The following NAALADL2 variants were observed in gnomAD, a reference collection of about 807,000 sequenced individuals.
The protein encoded by NAALADL2 is inactive N-acetylated-alpha-linked acidic dipeptidase-like protein 2.
Under a neutral mutation model 87.2 loss-of-function variants are expected in NAALADL2, and 76 were observed. That is an observed-to-expected ratio of 0.87 (90% CI 0.72 to 1.05). NAALADL2 has a LOEUF of 1.05. NAALADL2 is among the 50% of genes least tolerant of loss of function. NAALADL2 has a pLI of 0.00. For missense variants in NAALADL2, 1,089 were observed against 945.8 expected, an observed-to-expected ratio of 1.15 and a Z score of -1.99; for synonymous variants, 354 against 331.0, an observed-to-expected ratio of 1.07 and a Z score of -0.75.
In NAALADL2 at chr3:174,527,769, T is replaced by C. The variant is rs1034420621; in HGVS notation, c.-183-22800T>C. Among the ~76,000 whole-genome samples, 28 of 152,202 alleles carry C rather than the reference T, an allele frequency of 1.8e-4. 1 individual carries two copies. Among genetic ancestry groups the C allele is most frequent in the African/African-American group, 6.8e-4 (28 of 41,454 alleles). ...CATCCATCACATTTGCTTGAAATTA[T>C]ATTCAAACATAAGTGTTTCTTATGT... On this transcript the variant is annotated intron_variant, in intron 1 of 3. Transcript: ENST00000434257.
chr3:174,864,541 ATCT>A (rs1457895365), intron 1 of NAALADL2, among the ~76,000 whole-genome samples: 2 of 152,080 alleles, frequency 1.3e-5, no homozygotes, highest in Non-Finnish European at 2.9e-5. Context: ...TCACTGTAAA[ATCT>A]TCTTGAAGAA....
At chr3:175,641,989 G>A (rs1380979462) in intron 11 of NAALADL2, among the ~76,000 whole-genome samples, 1 of 152,116 alleles carries the variant, frequency 6.6e-6, no homozygotes, top group Non-Finnish European at 1.5e-5. Flanking sequence ...GCATATTTAT[G>A]TATTAGAGAA....
intron 2 of NAALADL2, among the ~76,000 whole-genome samples, chr3:174,691,183 G>A (rs745559002): frequency 5.9e-5 from 9 of 152,272 alleles, no homozygotes; most frequent in South Asian, 2.1e-4. Context: ...AGGCTGAGGC[G>A]TGTGGATGAC....
chr3:175,293,415 T>A (rs1181756022), intron 4 of NAALADL2, among the ~76,000 whole-genome samples: 2 of 152,214 alleles, frequency 1.3e-5, no homozygotes, highest in East Asian at 3.8e-4. Flanking sequence ...TTGTTAGCAC[T>A]ATCGATATGG....
At chr3:174,722,657 G>T (rs1249372733) in intron 2 of NAALADL2, among the ~76,000 whole-genome samples, 1 of 152,176 alleles carries the variant, frequency 6.6e-6, no homozygotes, top group South Asian at 2.1e-4. Flanking sequence ...AGCCGAGATC[G>T]TGCCACTGCA....
intron 1 of NAALADL2, among the ~76,000 whole-genome samples, chr3:174,480,576 C>T (rs1006199268): frequency 6.6e-6 from 1 of 152,018 alleles, no homozygotes; most frequent in Non-Finnish European, 1.5e-5. Flanking sequence ...GTTAGTATCC[C>T]CTGTCATCTC....
chr3:175,408,392 T>C (rs1712832948), intron 5 of NAALADL2, among the ~76,000 whole-genome samples: 1 of 152,116 alleles, frequency 6.6e-6, no homozygotes, highest in Admixed American at 6.6e-5. Flanking sequence ...CCCATAAATA[T>C]ATACAATTAT....
intron 10 of NAALADL2, among the ~76,000 whole-genome samples, chr3:175,606,394 T>A (rs367602785): frequency 0.015 from 2,246 of 151,944 alleles, 60 homozygotes; most frequent in African/African-American, 0.051. Flanking sequence ...AGCCTTTTTT[T>A]TTTTGTATAT....
intron 9 of NAALADL2, among the ~76,000 whole-genome samples, chr3:175,510,330 G>T (rs1350202648): frequency 1.3e-5 from 2 of 152,090 alleles, no homozygotes; most frequent in African/African-American, 4.8e-5. Context: ...TAAAATTCAA[G>T]ATGAGATTTG....
At chr3:174,642,748 ACATATATAT>A (rs1186413167) in intron 2 of NAALADL2, among the ~76,000 whole-genome samples, 2 of 39,596 alleles carry the variant, frequency 5.1e-5, no homozygotes, top group East Asian at 2.5e-3. Flanking sequence ...ATGAAAAAAA[ACATATATAT>A]ATATATATAT....
intron 5 of NAALADL2, among the ~76,000 whole-genome samples, chr3:175,368,268 T>C (rs1765928356): frequency 6.6e-6 from 1 of 152,202 alleles, no homozygotes; most frequent in Admixed American, 6.5e-5. Flanking sequence ...CAGTATTTTA[T>C]TGAGGATTTT....
chr3:175,156,964 C>G (rs1732419333), intron 2 of NAALADL2, among the ~76,000 whole-genome samples: 3 of 152,000 alleles, frequency 2.0e-5, no homozygotes, highest in Admixed American at 1.3e-4. Context: ...CATAACAAAG[C>G]CACTGCCACC....
intron 9 of NAALADL2, among the ~76,000 whole-genome samples, chr3:175,525,131 T>A (rs1223918397): frequency 3.3e-5 from 5 of 152,096 alleles, no homozygotes; most frequent in Non-Finnish European, 7.4e-5. Context: ...TAGATAATAG[T>A]TTGATAGATT....
chr3:175,266,867 T>G (rs1299080929), intron 4 of NAALADL2, among the ~76,000 whole-genome samples: 1 of 151,950 alleles, frequency 6.6e-6, no homozygotes, highest in African/African-American at 2.4e-5. Flanking sequence ...GAAGGTATTA[T>G]GGATATTAAA....
chr3:175,197,921 CT>C (rs1328903679), intron 2 of NAALADL2, among the ~76,000 whole-genome samples: 1 of 152,050 alleles, frequency 6.6e-6, no homozygotes, highest in Non-Finnish European at 1.5e-5. Context: ...CAGAACAGTA[CT>C]TCTTGAATTT....
intron 2 of NAALADL2, among the ~76,000 whole-genome samples, chr3:174,573,657 T>C (rs1441581213): frequency 1.3e-5 from 2 of 151,548 alleles, no homozygotes; most frequent in Non-Finnish European, 1.5e-5. Context: ...AGAGATGACA[T>C]GGTGATAGAA....
intron 2 of NAALADL2, among the ~76,000 whole-genome samples, chr3:175,116,840 C>T (rs1203219524): frequency 6.6e-6 from 1 of 152,092 alleles, no homozygotes; most frequent in Non-Finnish European, 1.5e-5. Context: ...CTGGAGGCAT[C>T]ACACTACCTG....
intron 2 of NAALADL2, among the ~76,000 whole-genome samples, chr3:175,150,506 T>C (rs1472438756): frequency 6.6e-6 from 1 of 152,206 alleles, no homozygotes; most frequent in Non-Finnish European, 1.5e-5. Context: ...ATATCTTATA[T>C]GGTGAGTGCA....
At chr3:174,987,634 T>A (rs1235437693) in intron 1 of NAALADL2, among the ~76,000 whole-genome samples, 1 of 146,478 alleles carries the variant, frequency 6.8e-6, no homozygotes. Flanking sequence ...GAATTTATTT[T>A]TTTTGAAGTT....
Sources: allele counts gnomAD v4.1 joint callset (sites outside exome capture counted in the v4.1 genomes callset), GRCh38; gene constraint gnomAD v4.1.1; transcripts MANE v1.5; gene names NCBI Gene and HGNC (gene_info 2026-07-23, HGNC 2026-07-21).